Variants in FOXK2 observed in about 807,000 individuals in gnomAD.
FOXK2 encodes forkhead box K2, also known as forkhead box protein K2.
A neutral mutation model predicts 53.3 loss-of-function variants in FOXK2; 24 were observed. The ratio of observed to expected loss-of-function variants is 0.45; its 90% CI spans 0.33 to 0.63. The LOEUF (loss-of-function observed/expected upper bound fraction) is 0.63, where lower values mean the gene tolerates loss of function less well. Ranked by LOEUF, FOXK2 falls within the 30% of genes least tolerant of loss-of-function variation. The probability of loss-of-function intolerance (pLI) is 0.03; values close to 1 mark genes in which losing one functional copy is unlikely to be tolerated. For synonymous variants in FOXK2, 505 were observed against 407.1 expected (o/e 1.24, Z -2.89); for missense variants, 952 against 910.5 (o/e 1.05, Z -0.59).
At chr17:82,546,094 C>G (rs888083234) in intron 1 of FOXK2, among the ~76,000 whole-genome samples, 1 of 143,098 alleles carries the variant, frequency 7.0e-6, no homozygotes, top group Non-Finnish European at 1.5e-5. Flanking sequence ...TATGTGCTTA[C>G]TTGCTACCAA....
chr17:82,590,370 GGTCTCA>G (rs2045240973), intron 8 of FOXK2, among the ~76,000 whole-genome samples: 3 of 152,128 alleles, frequency 2.0e-5, no homozygotes, highest in African/African-American at 7.2e-5. Flanking sequence ...TGCCCATGCT[GGTCTCA>G]AGCTCCGGGG....
chr17:82,560,432 C>T (rs996438651), intron 1 of FOXK2, among the ~76,000 whole-genome samples: 4 of 152,100 alleles, frequency 2.6e-5, no homozygotes, highest in Admixed American at 2.0e-4. Flanking sequence ...CGGCCCTCCT[C>T]GCTGTTATTT....
chr17:82,584,285 C>T (rs2045105150), intron 6 of FOXK2, 97 bp downstream of exon 6: 1 of 1,310,552 alleles, frequency 7.6e-7, no homozygotes, highest in Non-Finnish European at 1.0e-6. Flanking sequence ...TGGAGGCCTG[C>T]CTGTCCCTCT....
At chr17:82,560,470 A>G (rs1239299245) in intron 1 of FOXK2, among the ~76,000 whole-genome samples, 1 of 152,176 alleles carries the variant, frequency 6.6e-6, no homozygotes, top group Admixed American at 6.5e-5. Flanking sequence ...TGTGTGGCGC[A>G]GGCTGGCTTT....
chr17:82,568,741 G>A (rs1022520959), intron 3 of FOXK2, among the ~76,000 whole-genome samples: 1 of 152,214 alleles, frequency 6.6e-6, no homozygotes, highest in Non-Finnish European at 1.5e-5. Flanking sequence ...TGGGTGTGGT[G>A]GCTCATGCCT....
intron 1 of FOXK2, chr17:82,559,238 G>T (rs968961562): frequency 2.5e-6 from 1 of 404,836 alleles, no homozygotes. Context: ...TCTGTATGTG[G>T]ATGTGGAGTG....
At position 82,546,114 on chromosome 17, in the gene FOXK2, G is replaced by GTTTTT. The variant is rs531735206; in HGVS notation, c.420-17224_420-17220dup. Reference sequence around the variant, plus strand: ...GCTTACTTGCTACCAAGCATGGTTGGTTTTTTTTTTTTTTTTTTTTGAGAT... The same window carrying GTTTTT: ...GCTTACTTGCTACCAAGCATGGTTGGTTTTTTTTTTTTTTTTTTTTTTTTTGAGAT... On this transcript the variant is annotated intron_variant, in intron 1 of 8. Transcript: ENST00000335255. Among the ~76,000 whole-genome samples, 85 of 101,690 alleles carry GTTTTT rather than the reference G, an allele frequency of 8.4e-4. 2 individuals are homozygous for GTTTTT. The highest frequency in any genetic ancestry group is 6.3e-3 in the Middle Eastern group (1 of 160). 66.7% of individuals were successfully genotyped at this position (101,690 alleles called of 152,430 possible).
At chr17:82,594,182 G>A (rs1297570011) in intron 8 of FOXK2, among the ~76,000 whole-genome samples, 1 of 152,196 alleles carries the variant, frequency 6.6e-6, no homozygotes, top group Non-Finnish European at 1.5e-5. Context: ...GTTGCCTGTG[G>A]AGTAAAAGTT....
chr17:82,601,604 CCT>C lies in FOXK2; in HGVS notation c.*109_*110del. 4.2e-6 allele frequency: 5 copies of C among 1,195,704 alleles called. No individual in the cohort carries two copies. The highest frequency in any genetic ancestry group is 5.7e-6 in the Non-Finnish European group (5 of 877,298). 74.1% of individuals were successfully genotyped at this position (1,195,704 alleles called of 1,614,324 possible). ...TGCAGGGCCCTGTGGTTGGACTTCA[CCT>C]CTCAGCACTGAAAACCCAAAACCCA... is the stretch of plus-strand genomic sequence containing the variant. On this transcript the variant is annotated 3_prime_UTR_variant, in exon 9 of 9. Coordinates refer to ENST00000335255, the MANE Select transcript of FOXK2 (RefSeq NM_004514.4).
chr17:82,584,186 C>A lies in FOXK2; in HGVS notation c.1277C>A (p.Pro426Gln). ...GAAGCCCGGTTTGCCCAGAGCGCCC[C>A]AGGTGAGACAGCGGGAGAGGAAGCG... is the stretch of plus-strand genomic sequence containing the variant. Reference protein sequence around the residue: ...IQEARFAQSAPGSPLSSQPVL... With the variant: ...IQEARFAQSAQGSPLSSQPVL... Residue 426 changes from proline (P) to glutamine (Q), a missense_variant and splice_region_variant, in exon 6 of 9, where the codon CCA (proline) becomes CAA (glutamine). By Grantham distance (76) the Pro-to-Gln change is moderately conservative (BLOSUM62 -1). Coordinates refer to ENST00000335255, the MANE Select transcript of FOXK2 (RefSeq NM_004514.4). 6.3e-7 allele frequency: 1 copy of A among 1,591,626 alleles called. No homozygotes were observed.
At chr17:82,524,183 C>T (rs141816485) in intron 1 of FOXK2, among the ~76,000 whole-genome samples, 78 of 152,326 alleles carry the variant, frequency 5.1e-4, no homozygotes, top group African/African-American at 1.6e-3. Context: ...AGCCACTGCG[C>T]CTGTCCTAAG....
intron 4 of FOXK2, among the ~76,000 whole-genome samples, chr17:82,575,294 C>T (rs915906544): frequency 4.6e-5 from 7 of 152,022 alleles, no homozygotes; most frequent in African/African-American, 1.7e-4. Flanking sequence ...TGGTTTATAC[C>T]GAAGTGATCT....
At chr17:82,563,890 T>C (rs188205267) in intron 2 of FOXK2, among the ~76,000 whole-genome samples, 60 of 149,872 alleles carry the variant, frequency 4.0e-4, no homozygotes, top group African/African-American at 1.4e-3. Flanking sequence ...TAGCTAGGAC[T>C]ACAGGCGCCC....
intron 8 of FOXK2, among the ~76,000 whole-genome samples, chr17:82,587,906 C>T (rs1257123446): frequency 1.3e-5 from 2 of 152,122 alleles, no homozygotes; most frequent in Non-Finnish European, 2.9e-5. Flanking sequence ...GGGCTGTTGC[C>T]GGCTGTGTGG....
Position 82,587,125 on chromosome 17 carries a change from C to T in FOXK2, c.1639C>T (p.Gln547Ter). 1 of 1,612,268 alleles carries T rather than the reference C, an allele frequency of 6.2e-7. No homozygotes were observed. Reference sequence around the variant, plus strand: ...GCTCGGCACTGCCAGCCGGATCATTCAGACGGCACAGACCACCCCGGTCCA... The same window carrying T: ...GCTCGGCACTGCCAGCCGGATCATTTAGACGGCACAGACCACCCCGGTCCA... Reference protein sequence around the residue: ...ATLGTASRIIQTAQTTPVQTV... With the variant: ...ATLGTASRII The change falls in exon 8 of 9, where the codon CAG becomes TAG. Residue 547 changes from glutamine (Q) to a stop codon, truncating the protein, a stop_gained. Coordinates refer to ENST00000335255, the MANE Select transcript of FOXK2 (RefSeq NM_004514.4). LOFTEE classifies it high-confidence loss of function.
intron 1 of FOXK2, among the ~76,000 whole-genome samples, chr17:82,538,582 C>A (rs973956026): frequency 4.6e-5 from 7 of 152,254 alleles, no homozygotes; most frequent in Non-Finnish European, 8.8e-5. Context: ...TTGTCCTCTG[C>A]TGGTGGACAC....
chr17:82,536,275 T>C (rs1012561433), intron 1 of FOXK2, among the ~76,000 whole-genome samples: 2 of 152,244 alleles, frequency 1.3e-5, no homozygotes, highest in Non-Finnish European at 2.9e-5. Context: ...ATAGTTTCTG[T>C]CAGTTTTTAT....
At chr17:82,584,336 C>T (rs181447953) in intron 6 of FOXK2, 148 bp downstream of exon 6, 1 of 783,944 alleles carries the variant, frequency 1.3e-6, no homozygotes, top group African/African-American at 1.8e-5. Flanking sequence ...CCTTGGAAAA[C>T]TAATAGCACT....
chr17:82,546,857 A>G (rs2044630379), intron 1 of FOXK2, among the ~76,000 whole-genome samples: 1 of 151,954 alleles, frequency 6.6e-6, no homozygotes, highest in Non-Finnish European at 1.5e-5. Context: ...CAGATGGATC[A>G]CCTGAGGTCA....
Sources: allele counts gnomAD v4.1 joint callset (sites outside exome capture counted in the v4.1 genomes callset), GRCh38; gene constraint gnomAD v4.1.1; transcripts MANE v1.5; gene names NCBI Gene and HGNC (gene_info 2026-07-23, HGNC 2026-07-21).